MAN1C1: variants seen among roughly 807,000 people sequenced by gnomAD.
MAN1C1 encodes mannosyl-oligosaccharide 1,2-alpha-mannosidase IC.
A neutral mutation model predicts 71.5 loss-of-function variants in MAN1C1; 49 were observed. The observed-to-expected ratio is 0.69, with a 90% CI of 0.54 to 0.87. MAN1C1 has a LOEUF of 0.87. Among genes scored for constraint, MAN1C1 ranks in the 40% least tolerant of loss-of-function variants. The pLI is 0.00. For synonymous variants in MAN1C1, 352 were observed against 343.7 expected (o/e 1.02, Z -0.27); for missense variants, 743 against 835.0 (o/e 0.89, Z 1.36).
rs1483901032 is a variant in MAN1C1, at chr1:25,725,287, G to A, written c.638-21381G>A. Among the ~76,000 whole-genome samples, 1 of 152,182 alleles carries A rather than the reference G, an allele frequency of 6.6e-6. No individual in the cohort carries two copies. The highest frequency in any genetic ancestry group is 1.5e-5 in the Non-Finnish European group (1 of 68,032). ...TTCATTCATTCAGAGGCTTTTCTAG[G>A]CCAGCTCTGGGATGGATGCTAGAGA... On this transcript the variant is annotated intron_variant, in intron 2 of 11. Coordinates refer to ENST00000374332, the MANE Select transcript of MAN1C1 (RefSeq NM_020379.4). The surrounding 1 kb of genome is among the most constrained non-coding windows in gnomAD (Gnocchi z 4.8).
At chr1:25,767,310 C>A (rs2047443962) in intron 7 of MAN1C1, among the ~76,000 whole-genome samples, 3 of 131,122 alleles carry the variant, frequency 2.3e-5, no homozygotes, top group Non-Finnish European at 3.2e-5. Flanking sequence ...CCTCACACAC[C>A]CACACTCCCC....
Position 25,779,335 on chromosome 1 carries a change from A to C in MAN1C1, c.1477+1011A>C, listed in dbSNP as rs1047563455. On this transcript the variant is annotated intron_variant, in intron 9 of 11. Transcript: ENST00000374332. This position sits in a 1 kb window ranked among gnomAD's most constrained non-coding sequence, Gnocchi z 4.6. ...AGTGAGGCACAGGGTCCCATGAGAA[A>C]GTACCTTGGCAGCCACCTTTGGCCA... 5.9e-5 allele frequency among the ~76,000 whole-genome samples: 9 copies of C among 152,172 alleles called. No homozygotes were observed. Among genetic ancestry groups the C allele is most frequent in the Admixed American group, 3.3e-4 (5 of 15,278 alleles).
At chr1:25,719,817 T>C (rs1283848994) in intron 2 of MAN1C1, among the ~76,000 whole-genome samples, 2 of 152,192 alleles carry the variant, frequency 1.3e-5, no homozygotes, top group African/African-American at 4.8e-5. Flanking sequence ...ACAGTTTCAC[T>C]CTGTCACCTA....
Position 25,711,710 on chromosome 1 carries a change from TCCTC to T in MAN1C1, c.637+25177_637+25180del, listed in dbSNP as rs2046616053. Among the ~76,000 whole-genome samples, 1 of 147,736 alleles carries T rather than the reference TCCTC, an allele frequency of 6.8e-6. No individual in the cohort carries two copies. Among genetic ancestry groups the T allele is most frequent in the Non-Finnish European group, 1.5e-5 (1 of 66,994 alleles). On this transcript the variant is annotated intron_variant, in intron 2 of 11. Coordinates refer to ENST00000374332, the MANE Select transcript of MAN1C1 (RefSeq NM_020379.4). The surrounding 1 kb of genome is among the most constrained non-coding windows in gnomAD (Gnocchi z 4.3). Reference sequence around the variant, plus strand: ...CTGCAAGCCTGCCCCGGGCCCCACTTCCTCCCCTCCTCCGTGGGTGCGCAGCCCA... The same window carrying T: ...CTGCAAGCCTGCCCCGGGCCCCACTTCCCTCCTCCGTGGGTGCGCAGCCCA...
chr1:25,735,627 A>T lies in MAN1C1; in HGVS notation c.638-11041A>T, dbSNP rs1431501319. On this transcript the variant is annotated intron_variant, in intron 2 of 11. Coordinates refer to ENST00000374332, the MANE Select transcript of MAN1C1 (RefSeq NM_020379.4). The surrounding 1 kb of genome is among the most constrained non-coding windows in gnomAD (Gnocchi z 4.6). ...TAATAGGGTTGTATTATAACAAAGT[A>T]TTCCACAGTGAGAGGCAGACCACAG... 6.6e-6 allele frequency among the ~76,000 whole-genome samples: 1 copy of T among 152,214 alleles called. No homozygotes were observed. The highest frequency in any genetic ancestry group is 1.5e-5 in the Non-Finnish European group (1 of 68,042).
chr1:25,778,415 A>C lies in MAN1C1; in HGVS notation c.1477+91A>C, dbSNP rs1467924182. The C allele has an allele frequency of 3.8e-6, 5 of 1,320,828 alleles. No homozygotes were observed. The highest frequency in any genetic ancestry group is 5.2e-6 in the Non-Finnish European group (5 of 967,570). 81.8% of individuals were successfully genotyped at this position (1,320,828 alleles called of 1,614,324 possible). Reference sequence around the variant, plus strand: ...ACCGGCAGCAGTGAGCGAAGGGAGCACATGGCCTTAGGGAAGCCTCCCCTT... The same window carrying C: ...ACCGGCAGCAGTGAGCGAAGGGAGCCCATGGCCTTAGGGAAGCCTCCCCTT... On this transcript the variant is annotated intron_variant, in intron 9 of 11. Coordinates refer to ENST00000374332, the MANE Select transcript of MAN1C1 (RefSeq NM_020379.4). The surrounding 1 kb of genome is among the most constrained non-coding windows in gnomAD (Gnocchi z 5.5).
chr1:25,637,638 A>G (rs1226988900), intron 1 of MAN1C1, among the ~76,000 whole-genome samples: 3 of 151,868 alleles, frequency 2.0e-5, no homozygotes, highest in African/African-American at 4.8e-5. Context: ...TTTTATGGAG[A>G]AAAAAATATT....
intron 1 of MAN1C1, among the ~76,000 whole-genome samples, chr1:25,621,697 C>A (rs1375632564): frequency 6.6e-6 from 1 of 151,966 alleles, no homozygotes; most frequent in African/African-American, 2.4e-5. Context: ...GGTCTTGGCT[C>A]ACTGCAGCCT....
At chr1:25,632,961 A>G (rs1572107267) in intron 1 of MAN1C1, among the ~76,000 whole-genome samples, 1 of 142,800 alleles carries the variant, frequency 7.0e-6, no homozygotes, top group Non-Finnish European at 1.5e-5. Context: ...TCTGCTTCCC[A>G]GGTTCAAGTG....
rs142054155 is a variant in MAN1C1 at position 25,783,726 on chromosome 1, C to G, written c.1830C>G (p.Thr610=). The G allele has an allele frequency of 2.8e-5, 45 of 1,613,180 alleles. No individual in the cohort carries two copies. In the African/African-American group the frequency reaches 5.7e-4, roughly 21 times the overall value. ...CCCTGGAAGACTGGGTGTTCAACAC[C>G]GAGGCCCACCCACTCCCGGTGAACC... The part of the protein sequence containing the change: ...LLSLEDWVFN[T]EAHPLPVNHS... The change falls in exon 12 of 12, where the codon ACC becomes ACG. Residue 610 remains threonine (T), a synonymous_variant. Coordinates refer to ENST00000374332, the MANE Select transcript of MAN1C1 (RefSeq NM_020379.4).
Position 25,618,293 on chromosome 1 carries a change from G to A in MAN1C1, c.496G>A (p.Glu166Lys), listed in dbSNP as rs1441058905. Reference sequence around the variant, plus strand: ...GGGAACGAGGGCCGATGAGAGTCAGGAGCCCCAGAGCCAAGTGCGAGCCCA... The same window carrying A: ...GGGAACGAGGGCCGATGAGAGTCAGAAGCCCCAGAGCCAAGTGCGAGCCCA... ...VLGTRADESQ[E>K]PQSQVRAQRE... is the part of the protein sequence containing the mutation. The change falls in exon 1 of 12, where the codon GAG (glutamate) becomes AAG (lysine). Residue 166 changes from glutamate (E) to lysine (K), a missense_variant. Transcript: ENST00000374332. The A allele has an allele frequency of 1.9e-6, 3 of 1,603,446 alleles. No homozygotes were observed. The East Asian group carries it at 6.8e-5, about 36-fold the overall frequency.
chr1:25,686,335 A>G (rs1213770719), intron 1 of MAN1C1, 105 bp from the exon 2 acceptor site: 6 of 900,104 alleles, frequency 6.7e-6, no homozygotes, highest in African/African-American at 1.7e-5. Flanking sequence ...TTGGAAGGTT[A>G]TCTTTTAGTT....
intron 1 of MAN1C1, among the ~76,000 whole-genome samples, chr1:25,641,177 C>T (rs1021084865): frequency 6.6e-6 from 1 of 152,162 alleles, no homozygotes; most frequent in Non-Finnish European, 1.5e-5. Context: ...ATTCCCAGTG[C>T]GCGGGGTATT....
chr1:25,751,785 C>A (rs1019643357), intron 4 of MAN1C1, among the ~76,000 whole-genome samples: 1 of 152,158 alleles, frequency 6.6e-6, no homozygotes, highest in South Asian at 2.1e-4. Context: ...GGCTCCGGGT[C>A]GCACAGTGTC....
intron 2 of MAN1C1, 96 bp downstream of exon 2, chr1:25,686,632 G>A: frequency 9.8e-7 from 1 of 1,018,176 alleles, no homozygotes; most frequent in Non-Finnish European, 1.5e-6. Context: ...CTCCTGAGCT[G>A]TGGGGGCTCC....
chr1:25,661,765 G>A (rs1019912852), intron 1 of MAN1C1, among the ~76,000 whole-genome samples: 1 of 152,190 alleles, frequency 6.6e-6, no homozygotes, highest in Non-Finnish European at 1.5e-5. Flanking sequence ...GGGGTTGAAG[G>A]GAGATCTAAG....
intron 2 of MAN1C1, among the ~76,000 whole-genome samples, chr1:25,704,123 C>T (rs1011261762): frequency 9.2e-5 from 14 of 152,194 alleles, no homozygotes; most frequent in Admixed American, 3.9e-4. Flanking sequence ...AGCAGTCCCG[C>T]AGTGTTTCAG....
At chr1:25,741,944 G>T (rs867606761) in intron 2 of MAN1C1, among the ~76,000 whole-genome samples, 7 of 152,162 alleles carry the variant, frequency 4.6e-5, no homozygotes, top group African/African-American at 1.7e-4. Flanking sequence ...GAAGGTTGGT[G>T]GGGAGGGGTA....
chr1:25,688,596 C>T (rs544227994), intron 2 of MAN1C1, among the ~76,000 whole-genome samples: 1 of 152,272 alleles, frequency 6.6e-6, no homozygotes, highest in South Asian at 2.1e-4. Flanking sequence ...GGCCCCTTTC[C>T]AGTCATCAAG....
Sources: gnomAD v4.1 joint callset for allele counts (sites outside exome capture counted in the v4.1 genomes callset) on GRCh38, gnomAD v4.1.1 for gene constraint, Gnocchi (gnomAD v3.1) non-coding constraint, MANE v1.5 for transcripts, NCBI Gene and HGNC (gene_info 2026-07-23, HGNC 2026-07-21) for gene names.